CAV1: variants seen among roughly 807,000 people sequenced by gnomAD.
The protein encoded by CAV1 is caveolin-1.
CAV1 carries 10 observed loss-of-function variants against 16.5 expected under a neutral mutation model. That is an observed-to-expected ratio of 0.61 (90% confidence interval 0.37 to 1.03). The LOEUF (loss-of-function observed/expected upper bound fraction) is 1.03. Ranked by LOEUF, CAV1 falls within the 50% of genes least tolerant of loss-of-function variation. The pLI is 0.01. For missense variants in CAV1, 212 were observed against 232.8 expected, an observed-to-expected ratio of 0.91 and a Z score of 0.58; for synonymous variants, 76 against 85.1, an observed-to-expected ratio of 0.89 and a Z score of 0.59.
At chr7:116,538,310 G>T (rs1793866806) in intron 2 of CAV1, among the ~76,000 whole-genome samples, 2 of 152,162 alleles carry the variant, frequency 1.3e-5, no homozygotes, top group African/African-American at 4.8e-5. Flanking sequence ...ATGCCAGAAG[G>T]AAGAAGCAGA....
chr7:116,541,667 T>C (rs747849248), intron 2 of CAV1, among the ~76,000 whole-genome samples: 11 of 151,472 alleles, frequency 7.3e-5, no homozygotes, highest in Middle Eastern at 3.4e-3. Flanking sequence ...GGTGGGAAGA[T>C]TGCTTGAGCC....
intron 2 of CAV1, among the ~76,000 whole-genome samples, chr7:116,557,191 G>A (rs3807992): frequency 0.28 from 42,265 of 152,162 alleles, 6,143 homozygotes; most frequent in African/African-American, 0.36. Flanking sequence ...TTGTGGCCAT[G>A]CCGTTTTTTT....
chr7:116,557,229 A>AT (rs1170663218), intron 2 of CAV1, among the ~76,000 whole-genome samples: 1 of 152,242 alleles, frequency 6.6e-6, no homozygotes. Context: ...ACATTGGACA[A>AT]TAAGTCAAGA....
Position 116,537,009 on chromosome 7 carries a change from C to CAAA in CAV1, c.195+10341_195+10343dup, listed in dbSNP as rs753949130. Among the ~76,000 whole-genome samples the CAAA allele has an allele frequency of 3.1e-3, 186 of 60,694 alleles. 1 individual carries two copies. Among genetic ancestry groups the CAAA allele is most frequent in the East Asian group, 7.4e-3 (15 of 2,024 alleles). The allele number at this position is 60,694 out of a possible 152,430, so 39.8% of individuals were successfully genotyped here. A position where few individuals can be genotyped will look rare whatever the true frequency, so the allele number is the denominator to read the frequency against. On this transcript the variant is annotated intron_variant, in intron 2 of 2. Coordinates refer to ENST00000341049, the MANE Select transcript of CAV1 (RefSeq NM_001753.5). ...TGGGCAACAGAGCGAGACTCCGTCT[C>CAAA]AAAAAAAAAAAAAAAAAAAAAAAGC...
chr7:116,534,652 G>A (rs992912532), intron 2 of CAV1, among the ~76,000 whole-genome samples: 5 of 151,214 alleles, frequency 3.3e-5, no homozygotes, highest in African/African-American at 7.3e-5. Flanking sequence ...CGCTCGCCTC[G>A]GCCTCTCAAA....
At chr7:116,547,635 T>TA (rs1794076719) in intron 2 of CAV1, among the ~76,000 whole-genome samples, 1 of 152,246 alleles carries the variant, frequency 6.6e-6, no homozygotes, top group African/African-American at 2.4e-5. Flanking sequence ...AAATACAAAA[T>TA]AAGCAGTCAC....
chr7:116,534,195 G>T (rs551415398), intron 2 of CAV1, among the ~76,000 whole-genome samples: 31 of 151,376 alleles, frequency 2.0e-4, no homozygotes, highest in African/African-American at 7.5e-4. Flanking sequence ...TCCAGCCTGG[G>T]CGACAGAGTG....
chr7:116,548,378 A>G (rs1794095453), intron 2 of CAV1, among the ~76,000 whole-genome samples: 1 of 152,250 alleles, frequency 6.6e-6, no homozygotes, highest in African/African-American at 2.4e-5. Context: ...TCAAATGCCC[A>G]GGGGCCCTGG....
At chr7:116,555,608 AAGAAAGAAAGAAG>A (rs1485560454) in intron 2 of CAV1, among the ~76,000 whole-genome samples, 3 of 131,842 alleles carry the variant, frequency 2.3e-5, no homozygotes, top group African/African-American at 8.3e-5. Context: ...AAGAAAGAGA[AAGAAAGAAAGAAG>A]GGAGGGAGGG....
chr7:116,559,910 T>C lies in CAV1; in HGVS notation c.*623T>C. The C allele has an allele frequency of 2.5e-6, 1 of 399,326 alleles. No individual in the cohort carries two copies. The highest frequency in any genetic ancestry group is 4.4e-6 in the Non-Finnish European group (1 of 226,422). 24.7% of individuals were successfully genotyped at this position (399,326 alleles called of 1,614,324 possible). A position where few individuals can be genotyped will look rare whatever the true frequency, so the allele number is the denominator to read the frequency against. On this transcript the variant is annotated 3_prime_UTR_variant, in exon 3 of 3. Transcript: ENST00000341049. ...TTTAACCTATGATATTTTCTGTGCC[T>C]GAATATTTGTTATGTAGATAACAAG...
chr7:116,533,254 C>T (rs142336418), intron 2 of CAV1, among the ~76,000 whole-genome samples: 3,194 of 152,074 alleles, frequency 0.021, 122 homozygotes, highest in African/African-American at 0.073. Context: ...AGGAGAATGG[C>T]TTGAACCCAG....
chr7:116,534,362 G>GAT lies in CAV1; in HGVS notation c.195+7706_195+7707dup, dbSNP rs1181031913. Among the ~76,000 whole-genome samples, 208 of 42,640 alleles carry GAT rather than the reference G, an allele frequency of 4.9e-3. 5 individuals carry two copies. The highest frequency in any genetic ancestry group is 6.5e-3 in the Non-Finnish European group (145 of 22,184). The allele number at this position is 42,640 out of a possible 152,430, so 28.0% of individuals were successfully genotyped here. ...AATACAGATGCCTGGGCCCACCTCA[G>GAT]ATATATATATATATATATATATATA... is the stretch of plus-strand genomic sequence containing the variant. On this transcript the variant is annotated intron_variant, in intron 2 of 2. Transcript: ENST00000341049.
At chr7:116,540,122 A>G (rs1267793659) in intron 2 of CAV1, among the ~76,000 whole-genome samples, 3 of 152,178 alleles carry the variant, frequency 2.0e-5, no homozygotes, top group Non-Finnish European at 2.9e-5. Flanking sequence ...GAGCTCTGAG[A>G]TTTTGTGTGC....
Position 116,559,369 on chromosome 7 carries a change from A to C in CAV1, c.*82A>C. Reference sequence around the variant, plus strand: ...GCCAATTTCAAGTTCCAAGTTGCTAATACAGCAACAATTTATGAATTGAAT... The same window carrying C: ...GCCAATTTCAAGTTCCAAGTTGCTACTACAGCAACAATTTATGAATTGAAT... On this transcript the variant is annotated 3_prime_UTR_variant, in exon 3 of 3. Coordinates refer to ENST00000341049, the MANE Select transcript of CAV1 (RefSeq NM_001753.5). The C allele has an allele frequency of 1.1e-6, 1 of 890,308 alleles. No homozygotes were observed. Among genetic ancestry groups the C allele is most frequent in the Non-Finnish European group, 1.8e-6 (1 of 545,884 alleles). The allele number at this position is 890,308 out of a possible 1,614,324, so 55.2% of individuals were successfully genotyped here. A position where few individuals can be genotyped will look rare whatever the true frequency, so the allele number is the denominator to read the frequency against.
chr7:116,547,071 T>C (rs1794066556), intron 2 of CAV1, among the ~76,000 whole-genome samples: 2 of 152,194 alleles, frequency 1.3e-5, no homozygotes, highest in Admixed American at 1.3e-4. Context: ...CTGAGTGTTT[T>C]CATATGACCA....
chr7:116,534,210 T>A (rs966465115), intron 2 of CAV1, among the ~76,000 whole-genome samples: 2 of 150,866 alleles, frequency 1.3e-5, no homozygotes, highest in Admixed American at 1.3e-4. Context: ...AGAGTGAGAC[T>A]CCATCACAAA....
rs5886830 is a variant in CAV1, at chr7:116,546,697, C to CAAAAAAAAAAAAAAAAAAAAAAA, written c.196-12232_196-12231insAAAAAAAAAAAAAAAAAAAAAAA. Among the ~76,000 whole-genome samples the CAAAAAAAAAAAAAAAAAAAAAAA allele has an allele frequency of 1.1e-3, 100 of 88,350 alleles. 2 individuals are homozygous for CAAAAAAAAAAAAAAAAAAAAAAA. Among genetic ancestry groups the CAAAAAAAAAAAAAAAAAAAAAAA allele is most frequent in the East Asian group, 2.6e-3 (9 of 3,404 alleles). 58.0% of individuals were successfully genotyped at this position (88,350 alleles called of 152,430 possible). A position where few individuals can be genotyped will look rare whatever the true frequency, so the allele number is the denominator to read the frequency against. The stretch of plus-strand genomic sequence containing the variant: ...GGGCAACAAGAATGAGACTCTGTCA[C>CAAAAAAAAAAAAAAAAAAAAAAA]AAAAAAAAAAAAAAAAAGTCTGCAG... On this transcript the variant is annotated intron_variant, in intron 2 of 2. Coordinates refer to ENST00000341049, the MANE Select transcript of CAV1 (RefSeq NM_001753.5).
chr7:116,526,929 G>T (rs1793577330), intron 2 of CAV1: 1 of 568,136 alleles, frequency 1.8e-6, no homozygotes, highest in South Asian at 2.0e-5. Flanking sequence ...TTCAGCTAAA[G>T]TGAGTTTTGT....
intron 2 of CAV1, among the ~76,000 whole-genome samples, chr7:116,529,642 G>A (rs1203789852): frequency 1.3e-5 from 2 of 151,988 alleles, no homozygotes; most frequent in South Asian, 2.1e-4. Flanking sequence ...CTCATGTGTG[G>A]CATGAGTTTA....
Sources: allele counts gnomAD v4.1 joint callset (sites outside exome capture counted in the v4.1 genomes callset), GRCh38; gene constraint gnomAD v4.1.1; transcripts MANE v1.5; gene names NCBI Gene and HGNC (gene_info 2026-07-23, HGNC 2026-07-21).